Variants in TJP1 observed in about 807,000 individuals in gnomAD.
TJP1 encodes tight junction protein 1.
Under a neutral mutation model 194.2 loss-of-function variants are expected in TJP1, and 43 were observed. That is an observed-to-expected ratio of 0.22 (90% CI 0.17 to 0.29). The LOEUF (loss-of-function observed/expected upper bound fraction) is 0.29. Among genes scored for constraint, TJP1 ranks in the 10% least tolerant of loss-of-function variants. TJP1 has a pLI of 1.00. For synonymous variants in TJP1, 801 were observed against 779.0 expected, an observed-to-expected ratio of 1.03 and a Z score of -0.47; for missense variants, 1,971 against 2,185.7, an observed-to-expected ratio of 0.90 and a Z score of 1.96.
chr15:29,925,554 C>G (rs151330231), intron 2 of TJP1, among the ~76,000 whole-genome samples: 1 of 152,194 alleles, frequency 6.6e-6, no homozygotes, highest in Non-Finnish European at 1.5e-5. Flanking sequence ...CCCTCTAAGC[C>G]GTGGCATTCA....
Position 29,719,827 on chromosome 15 carries a change from T to G in TJP1, c.2953A>C (p.Met985Leu). The G allele has an allele frequency of 6.2e-7, 1 of 1,614,164 alleles. No individual in the cohort carries two copies. Among genetic ancestry groups the G allele is most frequent in the Non-Finnish European group, 8.5e-7 (1 of 1,180,018 alleles). Reference sequence around the variant, plus strand: ...AATGATGGTTCTTGATCTCTTAGCATTATGTGAGCTGCCTCAGTACTTGGT... The same window carrying G: ...AATGATGGTTCTTGATCTCTTAGCAGTATGTGAGCTGCCTCAGTACTTGGT... ...RTPSTEAAHI[M>L]LRDQEPSLSS... Residue 985 changes from methionine to leucine, a missense_variant, in exon 20 of 28, where the codon ATG (methionine) becomes CTG (leucine). By Grantham distance (15) the Met-to-Leu change is conservative. This residue lies in a region of TJP1 where 1,108 missense variants were observed against 1,128.5 expected (regional missense o/e 0.98). Coordinates refer to ENST00000614355, the MANE Select transcript of TJP1 (RefSeq NM_001330239.4).
chr15:29,765,900 A>AAACAAC (rs140295014), intron 5 of TJP1, among the ~76,000 whole-genome samples: 4 of 152,046 alleles, frequency 2.6e-5, no homozygotes, highest in African/African-American at 9.7e-5. Context: ...ACAACAACAA[A>AAACAAC]AACAACAACA....
chr15:29,848,373 G>A (rs2051500725), intron 2 of TJP1, among the ~76,000 whole-genome samples: 1 of 151,988 alleles, frequency 6.6e-6, no homozygotes, highest in African/African-American at 2.4e-5. Context: ...TTTGTTTTGT[G>A]CATTTTTGAG....
chr15:29,768,905 T>C (rs996269062), intron 4 of TJP1, among the ~76,000 whole-genome samples: 2 of 152,130 alleles, frequency 1.3e-5, no homozygotes, highest in African/African-American at 4.8e-5. Flanking sequence ...AACAAAATGA[T>C]GCCATGTAAG....
intron 2 of TJP1, among the ~76,000 whole-genome samples, chr15:29,868,587 G>T (rs1212661377): frequency 6.6e-6 from 1 of 152,132 alleles, no homozygotes; most frequent in Non-Finnish European, 1.5e-5. Context: ...TTTATGGAAA[G>T]GAAGAAAGGG....
intron 1 of TJP1, among the ~76,000 whole-genome samples, chr15:29,960,194 TA>T (rs1417021516): frequency 6.6e-6 from 1 of 152,172 alleles, no homozygotes; most frequent in Non-Finnish European, 1.5e-5. Context: ...AAAGAGCCTG[TA>T]ATAAAAATTT....
chr15:29,706,508 C>T (rs1193348072), intron 25 of TJP1, among the ~76,000 whole-genome samples: 1 of 151,868 alleles, frequency 6.6e-6, no homozygotes, highest in Non-Finnish European at 1.5e-5. Flanking sequence ...TTCCAAAATC[C>T]AAAAAAACCC....
chr15:29,956,313 T>C, exon 2 of TJP1: 1 of 1,289,108 alleles, frequency 7.8e-7, no homozygotes, highest in Non-Finnish European at 1.0e-6. Context: ...AGGGTTTTCC[T>C]TGGCTGACAC....
intron 2 of TJP1, among the ~76,000 whole-genome samples, chr15:29,799,571 C>T (rs1298039029): frequency 2.0e-5 from 3 of 152,084 alleles, no homozygotes; most frequent in South Asian, 2.1e-4. Flanking sequence ...CCCGCCACCA[C>T]GCCTGGCTAA....
intron 1 of TJP1, among the ~76,000 whole-genome samples, chr15:29,801,043 G>T (rs1044411907): frequency 1.3e-5 from 2 of 152,102 alleles, no homozygotes; most frequent in African/African-American, 4.8e-5. Flanking sequence ...CTAATGGCAC[G>T]TAAACATTTA....
chr15:29,766,571 T>C, intron 4 of TJP1, 29 bp from the exon 5 acceptor site: 1 of 1,520,438 alleles, frequency 6.6e-7, no homozygotes, highest in South Asian at 1.4e-5. Flanking sequence ...AAAAAATAAG[T>C]TGACTGATTT....
intron 2 of TJP1, among the ~76,000 whole-genome samples, chr15:29,949,480 A>C (rs867467645): frequency 0.11 from 1,531 of 13,416 alleles, 1 homozygote; most frequent in Admixed American, 0.13. Flanking sequence ...CCACCTCCAC[A>C]ACCACCACCT....
intron 2 of TJP1, among the ~76,000 whole-genome samples, chr15:29,860,187 A>G (rs2052020281): frequency 6.6e-6 from 1 of 152,186 alleles, no homozygotes; most frequent in East Asian, 1.9e-4. Context: ...AGACCTGACC[A>G]CATCCCAAAC....
At chr15:29,893,712 T>C (rs2053386499) in intron 2 of TJP1, among the ~76,000 whole-genome samples, 1 of 152,136 alleles carries the variant, frequency 6.6e-6, no homozygotes, top group Non-Finnish European at 1.5e-5. Flanking sequence ...TCAGACACAA[T>C]TAATAAACTA....
downstream of TJP1, chr15:29,699,762 G>T (rs1373759404): frequency 6.6e-6 from 1 of 152,566 alleles, no homozygotes; most frequent in Non-Finnish European, 1.5e-5. Flanking sequence ...TCCCCCAAAT[G>T]TGGGTGACAT....
chr15:29,886,543 T>C (rs2053120232), intron 2 of TJP1, among the ~76,000 whole-genome samples: 1 of 151,534 alleles, frequency 6.6e-6, no homozygotes, highest in African/African-American at 2.4e-5. Context: ...CAGTGAGCTA[T>C]GACTGTGCCT....
intron 2 of TJP1, among the ~76,000 whole-genome samples, chr15:29,847,592 T>C (rs2051464556): frequency 6.6e-6 from 1 of 152,076 alleles, no homozygotes; most frequent in Non-Finnish European, 1.5e-5. Flanking sequence ...GAAACCATCC[T>C]AGCTAACAAG....
intron 23 of TJP1, among the ~76,000 whole-genome samples, chr15:29,713,354 A>G (rs973024477): frequency 2.0e-5 from 3 of 152,196 alleles, no homozygotes; most frequent in African/African-American, 7.2e-5. Flanking sequence ...TGTCTAAGCT[A>G]CTGTCTCCTA....
At chr15:29,738,098 G>C (rs2044156205) in intron 10 of TJP1, among the ~76,000 whole-genome samples, 1 of 152,030 alleles carries the variant, frequency 6.6e-6, no homozygotes, top group South Asian at 2.1e-4. Flanking sequence ...CCCACCTCTA[G>C]CATCAGTGTA....
Sources: allele counts gnomAD v4.1 joint callset (sites outside exome capture counted in the v4.1 genomes callset), GRCh38; gene constraint gnomAD v4.1.1; regional missense constraint gnomAD v4.1.1; transcripts MANE v1.5; gene names NCBI Gene and HGNC (gene_info 2026-07-23, HGNC 2026-07-21).